Variants in WWOX observed in about 807,000 individuals in gnomAD.
WWOX encodes the protein WW domain-containing oxidoreductase.
Under a neutral mutation model 46.2 loss-of-function variants are expected in WWOX, and 69 were observed. That is an observed-to-expected ratio of 1.49 (90% CI 1.23 to 1.82). WWOX has a LOEUF of 1.82. Ranked by LOEUF, WWOX falls within the 40% of genes most tolerant of loss-of-function variation. The probability of loss-of-function intolerance (pLI) is 0.00; values close to 1 mark genes in which losing one functional copy is unlikely to be tolerated. For missense variants in WWOX, 919 were observed against 542.6 expected (o/e 1.69, Z -6.89); for synonymous variants, 359 against 202.6 (o/e 1.77, Z -6.56).
At chr16:78,938,709 C>A (rs954382921) in intron 8 of WWOX, among the ~76,000 whole-genome samples, 3 of 152,066 alleles carry the variant, frequency 2.0e-5, no homozygotes, top group Admixed American at 1.3e-4. Flanking sequence ...TGTCTTTGTT[C>A]TAGTGCAGCC....
chr16:78,114,341 C>A (rs1469060213), intron 3 of WWOX, among the ~76,000 whole-genome samples: 1 of 152,144 alleles, frequency 6.6e-6, no homozygotes, highest in East Asian at 1.9e-4. Context: ...CTCAAGTGGT[C>A]CTCTTGCCTT....
chr16:78,693,218 C>T (rs1031680647), intron 8 of WWOX, among the ~76,000 whole-genome samples: 4 of 152,168 alleles, frequency 2.6e-5, no homozygotes, highest in African/African-American at 9.6e-5. Flanking sequence ...GTATTTCTGG[C>T]TGGGCATTGT....
At chr16:78,615,155 C>T (rs190749135) in intron 8 of WWOX, among the ~76,000 whole-genome samples, 119 of 152,234 alleles carry the variant, frequency 7.8e-4, no homozygotes, top group Middle Eastern at 3.4e-3. Flanking sequence ...TACTCACATT[C>T]CCATTATTTT....
intron 5 of WWOX, among the ~76,000 whole-genome samples, chr16:78,229,754 C>G (rs1455667279): frequency 3.3e-5 from 5 of 152,108 alleles, no homozygotes; most frequent in African/African-American, 1.2e-4. Context: ...TTAGTCAAAC[C>G]TTAGCAGAGT....
intron 8 of WWOX, among the ~76,000 whole-genome samples, chr16:79,201,185 A>T (rs1597470208): frequency 6.6e-6 from 1 of 152,076 alleles, no homozygotes; most frequent in Non-Finnish European, 1.5e-5. Context: ...ACCATCCCAT[A>T]TTGCCACCCC....
chr16:79,073,570 A>C (rs2048592506), intron 8 of WWOX, among the ~76,000 whole-genome samples: 1 of 152,166 alleles, frequency 6.6e-6, no homozygotes, highest in Non-Finnish European at 1.5e-5. Context: ...GTTTCATTTT[A>C]AGATCAGTGT....
chr16:79,014,135 C>G (rs2047366708), intron 8 of WWOX, among the ~76,000 whole-genome samples: 1 of 152,184 alleles, frequency 6.6e-6, no homozygotes. Context: ...AGACCAAGAT[C>G]TTTTTCTGGG....
chr16:78,475,435 C>G (rs895913042), intron 8 of WWOX, among the ~76,000 whole-genome samples: 1 of 151,944 alleles, frequency 6.6e-6, no homozygotes, highest in Admixed American at 6.6e-5. Context: ...AGTTTTTTTC[C>G]CAGAGTTTTG....
chr16:78,794,693 T>G (rs2050692926), intron 8 of WWOX, among the ~76,000 whole-genome samples: 2 of 152,246 alleles, frequency 1.3e-5, no homozygotes, highest in African/African-American at 2.4e-5. Context: ...AGCTGTTATC[T>G]TTGTCATTAC....
At chr16:79,091,818 G>A (rs557048385) in intron 8 of WWOX, among the ~76,000 whole-genome samples, 1 of 115,122 alleles carries the variant, frequency 8.7e-6, no homozygotes, top group African/African-American at 3.5e-5. Flanking sequence ...GTCTAGCTCT[G>A]TCACCAGGCT....
At chr16:78,142,016 G>A (rs1358269275) in intron 4 of WWOX, among the ~76,000 whole-genome samples, 1 of 148,838 alleles carries the variant, frequency 6.7e-6, no homozygotes, top group Non-Finnish European at 1.5e-5. Context: ...TTTAAAGATG[G>A]TGCTCCCTAA....
chr16:78,825,840 T>C, intron 8 of WWOX: 1 of 617,738 alleles, frequency 1.6e-6, no homozygotes, highest in Non-Finnish European at 3.0e-6. Flanking sequence ...GTGAAGGTCA[T>C]GCTGCCCTGG....
In WWOX at chr16:78,547,060, C is replaced by G. The variant is rs536534625; in HGVS notation, c.1056+114308C>G. 3.3e-3 allele frequency among the ~76,000 whole-genome samples: 451 copies of G among 135,374 alleles called. 3 individuals carry two copies. Among genetic ancestry groups the G allele is most frequent in the African/African-American group, 0.012 (425 of 34,900 alleles). 88.8% of individuals were successfully genotyped at this position (135,374 alleles called of 152,430 possible). On this transcript the variant is annotated intron_variant, in intron 8 of 8. Coordinates refer to ENST00000566780, the MANE Select transcript of WWOX (RefSeq NM_016373.4). ...CGAGGGTTGCTTGAGCCTGGGAGGTCAAAGCTGCAGTGAGCCAAGATCATG... is the reference window on the plus strand; with the variant it reads ...CGAGGGTTGCTTGAGCCTGGGAGGTGAAAGCTGCAGTGAGCCAAGATCATG...
At chr16:79,001,427 G>A (rs777719292) in intron 8 of WWOX, among the ~76,000 whole-genome samples, 3 of 152,172 alleles carry the variant, frequency 2.0e-5, no homozygotes, top group Admixed American at 6.5e-5. Context: ...CGAGTGTTCT[G>A]TGAAGCCAGA....
chr16:79,024,821 C>G (rs1419337473), intron 8 of WWOX, among the ~76,000 whole-genome samples: 1 of 152,202 alleles, frequency 6.6e-6, no homozygotes, highest in Non-Finnish European at 1.5e-5. Flanking sequence ...ATCCTCTCCT[C>G]TGCCTCAGAA....
intron 8 of WWOX, among the ~76,000 whole-genome samples, chr16:78,914,878 CAG>C (rs1567645853): frequency 3.0e-5 from 2 of 65,700 alleles, no homozygotes; most frequent in Non-Finnish European, 5.4e-5. Flanking sequence ...GACTCCGCCT[CAG>C]AAAAAAAAAA....
At chr16:78,269,392 C>G (rs943600976) in intron 5 of WWOX, among the ~76,000 whole-genome samples, 9 of 152,174 alleles carry the variant, frequency 5.9e-5, no homozygotes, top group Non-Finnish European at 1.2e-4. Context: ...TTAGTCCCTG[C>G]TCTGTGAGCA....
chr16:78,260,216 C>T (rs1224583304), intron 5 of WWOX, among the ~76,000 whole-genome samples: 1 of 151,426 alleles, frequency 6.6e-6, no homozygotes, highest in Non-Finnish European at 1.5e-5. Flanking sequence ...CTGGAGTAGA[C>T]CCCCAGCAAA....
At chr16:78,133,759 C>G (rs953019319) in intron 4 of WWOX, among the ~76,000 whole-genome samples, 15 of 152,186 alleles carry the variant, frequency 9.9e-5, no homozygotes, top group Non-Finnish European at 2.9e-5. Flanking sequence ...ATAGAAAAAT[C>G]AGACTGCTAG....
Sources: gnomAD v4.1 joint callset for allele counts (sites outside exome capture counted in the v4.1 genomes callset) on GRCh38, gnomAD v4.1.1 for gene constraint, MANE v1.5 for transcripts, NCBI Gene and HGNC (gene_info 2026-07-23, HGNC 2026-07-21) for gene names.